The following PPP2R2C variants were observed in gnomAD, a reference collection of about 807,000 sequenced individuals.
PPP2R2C encodes the protein protein phosphatase 2 regulatory subunit Bgamma, also known as protein phosphatase 2, regulatory subunit B, gamma.
In PPP2R2C, 10 loss-of-function variants were observed where a neutral mutation model predicts 45.3. The ratio of observed to expected loss-of-function variants is 0.22; its 90% CI spans 0.14 to 0.37. PPP2R2C has a LOEUF of 0.37. Among genes scored for constraint, PPP2R2C ranks in the 10% least tolerant of loss-of-function variants. The pLI, the probability that PPP2R2C is intolerant of heterozygous loss-of-function variation, is 1.00. For missense variants in PPP2R2C, 308 were observed against 619.7 expected (o/e 0.50, Z 5.34); for synonymous variants, 257 against 245.4 (o/e 1.05, Z -0.44).
At chr4:6,541,621 A>G (rs573147100) in intron 1 of PPP2R2C, among the ~76,000 whole-genome samples, 16 of 152,228 alleles carry the variant, frequency 1.1e-4, no homozygotes, top group African/African-American at 3.9e-4. Flanking sequence ...ATCTCAGCTC[A>G]CTGCAACCTC....
intron 2 of PPP2R2C, among the ~76,000 whole-genome samples, chr4:6,496,566 TAA>T (rs1304158409): frequency 6.6e-6 from 1 of 152,184 alleles, no homozygotes; most frequent in Non-Finnish European, 1.5e-5. Flanking sequence ...TTCTGTGCGT[TAA>T]AGTCTGTGAT....
chr4:6,508,491 A>G (rs1723314660), intron 2 of PPP2R2C, among the ~76,000 whole-genome samples: 1 of 152,098 alleles, frequency 6.6e-6, no homozygotes, highest in Admixed American at 6.5e-5. Context: ...CGGGAGGCTG[A>G]GGCAAGAGAA....
chr4:6,471,104 A>G lies in PPP2R2C; in HGVS notation c.70+1056T>C. On this transcript the variant is annotated intron_variant, in intron 1 of 8. Transcript: ENST00000382599. The surrounding 1 kb of genome is among the most constrained non-coding windows in gnomAD (Gnocchi z 5.6). Reference sequence around the variant, plus strand: ...GCCTGGCCCACTCGGTCTCCCTGACACAGGCACCCACGCGCACCTGCCCCG... The same window carrying G: ...GCCTGGCCCACTCGGTCTCCCTGACGCAGGCACCCACGCGCACCTGCCCCG... Among the ~76,000 whole-genome samples, 1 of 152,140 alleles carries G rather than the reference A, an allele frequency of 6.6e-6. No individual in the cohort carries two copies.
At chr4:6,505,757 G>A (rs1325225360) in intron 2 of PPP2R2C, among the ~76,000 whole-genome samples, 1 of 152,210 alleles carries the variant, frequency 6.6e-6, no homozygotes, top group African/African-American at 2.4e-5. Flanking sequence ...CTTGAGGTCA[G>A]GAGTTCAAGA....
chr4:6,337,660 C>T (rs57269465), intron 6 of PPP2R2C, among the ~76,000 whole-genome samples: 2 of 152,152 alleles, frequency 1.3e-5, no homozygotes, highest in East Asian at 1.9e-4. Flanking sequence ...CAGGGGGCAC[C>T]GGTGCTGGGT....
At chr4:6,360,812 C>T (rs1025363455) in intron 5 of PPP2R2C, among the ~76,000 whole-genome samples, 28 of 152,196 alleles carry the variant, frequency 1.8e-4, no homozygotes, top group African/African-American at 6.3e-4. Flanking sequence ...TTTCTCATAG[C>T]TATGGAGGTC....
At chr4:6,335,488 G>A (rs1324851147) in intron 6 of PPP2R2C, among the ~76,000 whole-genome samples, 5 of 152,138 alleles carry the variant, frequency 3.3e-5, no homozygotes, top group South Asian at 4.1e-4. Context: ...GAACAGGGAC[G>A]CAAGGGGCCA....
chr4:6,376,483 A>C (rs1172298653), intron 3 of PPP2R2C, among the ~76,000 whole-genome samples: 2 of 150,852 alleles, frequency 1.3e-5, no homozygotes, highest in East Asian at 2.0e-4. Context: ...ACAGGGTCTC[A>C]CTCACATCAC....
chr4:6,523,579 C>A (rs568411692), intron 2 of PPP2R2C: 2 of 152,362 alleles, frequency 1.3e-5, no homozygotes, highest in Non-Finnish European at 2.9e-5. Context: ...CGAGTGTTGG[C>A]TGTTGGGAGA....
intron 1 of PPP2R2C, among the ~76,000 whole-genome samples, chr4:6,437,237 G>A (rs554661906): frequency 4.6e-5 from 7 of 152,290 alleles, no homozygotes; most frequent in Admixed American, 6.5e-5. Context: ...AAAAACCACC[G>A]AAGCAAAGGA....
chr4:6,551,631 G>C (rs906168985), intron 1 of PPP2R2C, among the ~76,000 whole-genome samples: 1 of 152,210 alleles, frequency 6.6e-6, no homozygotes, highest in African/African-American at 2.4e-5. Context: ...ATTGCACCAG[G>C]AAACTTGAGC....
In PPP2R2C at chr4:6,499,205, A is replaced by T. The variant is rs189647345; in HGVS notation, c.49+36066T>A. On this transcript the variant is annotated intron_variant, in intron 2 of 9. Transcript: ENST00000506140. ...CAGTGCTTGGGTGTGTTGAGTGACT[A>T]AACAAAAAACCCAACTATGAGCAGC... Among the ~76,000 whole-genome samples the T allele has an allele frequency of 6.0e-3, 910 of 152,262 alleles. 6 individuals are homozygous for T. The highest frequency in any genetic ancestry group is 9.1e-3 in the Non-Finnish European group (616 of 68,000).
chr4:6,558,186 C>T (rs775614224), intron 1 of PPP2R2C, among the ~76,000 whole-genome samples: 4 of 152,216 alleles, frequency 2.6e-5, no homozygotes, highest in South Asian at 2.1e-4. Context: ...GCCTGATACA[C>T]CTAACAGGCT....
chr4:6,430,700 G>A (rs991978101), intron 1 of PPP2R2C, among the ~76,000 whole-genome samples: 1 of 152,102 alleles, frequency 6.6e-6, no homozygotes, highest in African/African-American at 2.4e-5. Flanking sequence ...CAAGGCGGGT[G>A]GATCACATGA....
chr4:6,535,880 G>T (rs530676883), intron 1 of PPP2R2C, among the ~76,000 whole-genome samples: 52 of 152,354 alleles, frequency 3.4e-4, no homozygotes, highest in African/African-American at 1.1e-3. Context: ...TCCCACTGTG[G>T]CTCAGCTGAA....
chr4:6,521,009 T>C (rs576109114), intron 2 of PPP2R2C, among the ~76,000 whole-genome samples: 2 of 152,248 alleles, frequency 1.3e-5, no homozygotes, highest in Non-Finnish European at 2.9e-5. Context: ...TAGGACAGAA[T>C]GCAGATGAGG....
chr4:6,367,716 CTG>C (rs1171481311), intron 5 of PPP2R2C, among the ~76,000 whole-genome samples: 2 of 152,216 alleles, frequency 1.3e-5, no homozygotes, highest in Non-Finnish European at 2.9e-5. Flanking sequence ...AGGCTTCTCT[CTG>C]TGGTGTGAGC....
intron 1 of PPP2R2C, among the ~76,000 whole-genome samples, chr4:6,399,197 C>A (rs1220102419): frequency 6.6e-6 from 1 of 152,064 alleles, no homozygotes; most frequent in Non-Finnish European, 1.5e-5. Context: ...ACATAGCTTG[C>A]CAATTCTAAG....
chr4:6,382,673 T>TCACACACA (rs1715921234), intron 1 of PPP2R2C: 2 of 134,602 alleles, frequency 1.5e-5, no homozygotes, highest in African/African-American at 1.6e-4. Context: ...TCTCTCTCTC[T>TCACACACA]CTCACACACA....
Sources: gnomAD v4.1 joint callset for allele counts (sites outside exome capture counted in the v4.1 genomes callset) on GRCh38, gnomAD v4.1.1 for gene constraint, Gnocchi (gnomAD v3.1) non-coding constraint, MANE v1.5 for transcripts, NCBI Gene and HGNC (gene_info 2026-07-23, HGNC 2026-07-21) for gene names.